The following TRHDE variants were observed in gnomAD, a reference collection of about 807,000 sequenced individuals.
The protein encoded by TRHDE is thyrotropin releasing hormone degrading enzyme.
In TRHDE, 72 loss-of-function variants were observed where a neutral mutation model predicts 125.7. That is an observed-to-expected ratio of 0.57 (90% CI 0.47 to 0.70). The LOEUF (loss-of-function observed/expected upper bound fraction) is 0.70, where lower values mean the gene tolerates loss of function less well. TRHDE is among the 30% of genes least tolerant of loss of function. The probability of loss-of-function intolerance (pLI) is 0.00; values close to 1 mark genes in which losing one functional copy is unlikely to be tolerated. For missense variants in TRHDE, 1,110 were observed against 1,327.1 expected, an observed-to-expected ratio of 0.84 and a Z score of 2.54; for synonymous variants, 509 against 509.1, an observed-to-expected ratio of 1.00 and a Z score of 0.00.
chr12:72,518,922 T>A (rs1879027651), intron 6 of TRHDE, among the ~76,000 whole-genome samples: 1 of 151,946 alleles, frequency 6.6e-6, no homozygotes, highest in African/African-American at 2.4e-5. Context: ...TTTGGCTGGA[T>A]ATGAAATTCT....
At chr12:72,087,575 G>A (rs1874697825) in intron 1 of TRHDE, 1 of 152,298 alleles carries the variant, frequency 6.6e-6, no homozygotes. Flanking sequence ...TGGGGGTCAG[G>A]AATTTGGAAC....
intron 2 of TRHDE, among the ~76,000 whole-genome samples, chr12:72,184,563 A>C (rs926341158): frequency 6.6e-6 from 1 of 151,964 alleles, no homozygotes; most frequent in African/African-American, 2.4e-5. Context: ...CCTTCCTTTA[A>C]TTGTCTTCAG....
chr12:72,600,891 G>C (rs1273687591), intron 12 of TRHDE, among the ~76,000 whole-genome samples: 1 of 152,030 alleles, frequency 6.6e-6, no homozygotes, highest in Non-Finnish European at 1.5e-5. Flanking sequence ...CTCTGATACA[G>C]TTGTACCAGG....
At chr12:72,303,448 G>A (rs1868292041) in intron 2 of TRHDE, among the ~76,000 whole-genome samples, 1 of 152,088 alleles carries the variant, frequency 6.6e-6, no homozygotes, top group Non-Finnish European at 1.5e-5. Context: ...GTGAGACTTG[G>A]TGGAGCCCCT....
chr12:72,430,521 A>G (rs1874431190), intron 3 of TRHDE, among the ~76,000 whole-genome samples: 1 of 150,982 alleles, frequency 6.6e-6, no homozygotes, highest in Non-Finnish European at 1.5e-5. Context: ...AGTTTTTGAA[A>G]AAACTAATTC....
intron 2 of TRHDE, among the ~76,000 whole-genome samples, chr12:72,241,046 T>G (rs898830600): frequency 6.6e-6 from 1 of 152,062 alleles, no homozygotes; most frequent in African/African-American, 2.4e-5. Flanking sequence ...TCGTGTATTA[T>G]TCATTCCTCT....
At chr12:72,373,591 T>C (rs1229131920) in intron 2 of TRHDE, among the ~76,000 whole-genome samples, 1 of 152,050 alleles carries the variant, frequency 6.6e-6, no homozygotes, top group Non-Finnish European at 1.5e-5. Flanking sequence ...TGCTAAATGG[T>C]GGTAAGTGTT....
intron 1 of TRHDE, among the ~76,000 whole-genome samples, chr12:72,283,920 A>G (rs2139423979): frequency 6.6e-6 from 1 of 151,840 alleles, no homozygotes; most frequent in South Asian, 2.1e-4. Context: ...TATTTCATGG[A>G]AAAATATATA....
At chr12:72,327,024 A>G (rs765107178) in intron 2 of TRHDE, among the ~76,000 whole-genome samples, 6 of 150,474 alleles carry the variant, frequency 4.0e-5, no homozygotes, top group Non-Finnish European at 7.4e-5. Flanking sequence ...TTAAGCATAC[A>G]TTTTTGCAGT....
chr12:72,155,851 G>A (rs1054014205), intron 2 of TRHDE, among the ~76,000 whole-genome samples: 3 of 152,222 alleles, frequency 2.0e-5, no homozygotes, highest in Non-Finnish European at 2.9e-5. Flanking sequence ...GGACCCACTT[G>A]AGGAGGGTCC....
At chr12:72,546,014 G>A (rs959513354) in intron 7 of TRHDE, among the ~76,000 whole-genome samples, 1 of 151,516 alleles carries the variant, frequency 6.6e-6, no homozygotes, top group African/African-American at 2.4e-5. Context: ...GACGTTACAG[G>A]GAACTCAAAC....
At chr12:72,484,106 A>C (rs1280412406) in intron 5 of TRHDE, among the ~76,000 whole-genome samples, 1 of 152,106 alleles carries the variant, frequency 6.6e-6, no homozygotes, top group African/African-American at 2.4e-5. Flanking sequence ...TCTGTTTAAG[A>C]AAATTAGTCG....
In TRHDE at chr12:72,582,638, C is replaced by G. The variant is rs1013170805; in HGVS notation, c.2321+7096C>G. On this transcript the variant is annotated intron_variant, in intron 12 of 18. Transcript: ENST00000261180. ...GTAGCAGTTTTTCCTGCTTTGATAGCTGGTTGTTTAAATGTGTAATGTGCT... is the reference window on the plus strand; with the variant it reads ...GTAGCAGTTTTTCCTGCTTTGATAGGTGGTTGTTTAAATGTGTAATGTGCT... 1.9e-5 allele frequency: 19 copies of G among 984,392 alleles called. No individual in the cohort carries two copies. In the Admixed American group the frequency reaches 7.4e-4, roughly 38 times the overall value. 61.0% of individuals were successfully genotyped at this position (984,392 alleles called of 1,614,324 possible).
intron 6 of TRHDE, among the ~76,000 whole-genome samples, chr12:72,499,917 T>C (rs967915318): frequency 1.3e-5 from 2 of 152,190 alleles, no homozygotes; most frequent in African/African-American, 4.8e-5. Flanking sequence ...CAAATGATGT[T>C]ATGTAAATGT....
At chr12:72,377,008 T>A (rs868539149) in intron 2 of TRHDE, among the ~76,000 whole-genome samples, 1 of 152,064 alleles carries the variant, frequency 6.6e-6, no homozygotes, top group Non-Finnish European at 1.5e-5. Context: ...TAAATGAGAG[T>A]GTTTGAGACC....
At chr12:72,209,111 T>G (rs980367405) in intron 2 of TRHDE, among the ~76,000 whole-genome samples, 1 of 152,178 alleles carries the variant, frequency 6.6e-6, no homozygotes, top group African/African-American at 2.4e-5. Flanking sequence ...GTGGTCTTGG[T>G]CTCTCTGAGT....
chr12:72,335,689 C>A (rs1684518647), intron 2 of TRHDE, among the ~76,000 whole-genome samples: 1 of 152,180 alleles, frequency 6.6e-6, no homozygotes, highest in Non-Finnish European at 1.5e-5. Flanking sequence ...AGCACTTGAA[C>A]TGATTGAATG....
At chr12:72,267,277 G>A (rs1026778295) in intron 2 of TRHDE, among the ~76,000 whole-genome samples, 14 of 152,002 alleles carry the variant, frequency 9.2e-5, no homozygotes, top group Non-Finnish European at 4.4e-5. Flanking sequence ...ATAAACCAAA[G>A]AGCCTAGAGT....
At chr12:72,246,456 T>G (rs1339467493) in intron 2 of TRHDE, among the ~76,000 whole-genome samples, 1 of 152,224 alleles carries the variant, frequency 6.6e-6, no homozygotes, top group Non-Finnish European at 1.5e-5. Context: ...TTGATTCCCC[T>G]CTGACTTATA....
Sources: allele counts gnomAD v4.1 joint callset (sites outside exome capture counted in the v4.1 genomes callset), GRCh38; gene constraint gnomAD v4.1.1; transcripts MANE v1.5; gene names NCBI Gene and HGNC (gene_info 2026-07-23, HGNC 2026-07-21).